STPG2: variants seen among roughly 807,000 people sequenced by gnomAD.
The protein encoded by STPG2 is sperm-tail PG-rich repeat-containing protein 2.
A neutral mutation model predicts 54.2 loss-of-function variants in STPG2; 56 were observed. That is an observed-to-expected ratio of 1.03 (90% CI 0.83 to 1.29). The LOEUF (loss-of-function observed/expected upper bound fraction) is 1.29. Ranked by LOEUF, STPG2 falls within the 50% of genes most tolerant of loss-of-function variation. The pLI, the probability that STPG2 is intolerant of heterozygous loss-of-function variation, is 0.00. For missense variants in STPG2, 596 were observed against 544.9 expected (o/e 1.09, Z -0.93); for synonymous variants, 200 against 181.8 (o/e 1.10, Z -0.81).
chr4:98,011,193 G>C (rs1442486670), intron 5 of STPG2, among the ~76,000 whole-genome samples: 3 of 152,150 alleles, frequency 2.0e-5, no homozygotes, highest in Non-Finnish European at 4.4e-5. Flanking sequence ...TCCTGTTTAT[G>C]AGTGAGAACA....
At chr4:97,559,284 TC>T (rs770292737) in intron 10 of STPG2, among the ~76,000 whole-genome samples, 167 bp from the exon 11 acceptor site, 1 of 152,244 alleles carries the variant, frequency 6.6e-6, no homozygotes, top group East Asian at 1.9e-4. Context: ...TTTTATTACT[TC>T]GTTCAAAAAT....
At chr4:97,998,180 A>G (rs946407218) in intron 5 of STPG2, among the ~76,000 whole-genome samples, 1 of 152,190 alleles carries the variant, frequency 6.6e-6, no homozygotes, top group Admixed American at 6.5e-5. Flanking sequence ...CCATTAGAAG[A>G]TGGAATCCAT....
Position 97,457,813 on chromosome 4 carries a change from A to G in STPG2, c.462+254886T>C, listed in dbSNP as rs142240443. Among the ~76,000 whole-genome samples the G allele has an allele frequency of 1.2e-4, 19 of 152,356 alleles. No individual in the cohort carries two copies. The East Asian group carries it at 3.3e-3, about 26-fold the overall frequency. On this transcript the variant is annotated intron_variant, in intron 4 of 4. Coordinates refer to the STPG2 transcript ENST00000522676. ...TCTGGAACTTAAGCATGAAATTTTA[A>G]ACTGCAGAGCATTTGAGGAATGGGG...
chr4:97,758,391 G>A (rs1246576771), intron 9 of STPG2, among the ~76,000 whole-genome samples: 1 of 151,934 alleles, frequency 6.6e-6, no homozygotes, highest in African/African-American at 2.4e-5. Flanking sequence ...ATCAATGATA[G>A]GCTGGATAAG....
chr4:97,890,081 C>A (rs142724697), intron 8 of STPG2, among the ~76,000 whole-genome samples: 1 of 152,060 alleles, frequency 6.6e-6, no homozygotes, highest in Admixed American at 6.6e-5. Flanking sequence ...AAAGAGTAAT[C>A]TTTTTCTAGC....
At chr4:97,995,101 G>A (rs574704750) in intron 5 of STPG2, among the ~76,000 whole-genome samples, 1 of 152,110 alleles carries the variant, frequency 6.6e-6, no homozygotes, top group East Asian at 1.9e-4. Context: ...AGCATCCACA[G>A]GTCTCACCCT....
At chr4:97,773,293 A>T in intron 9 of STPG2, among the ~76,000 whole-genome samples, 1 of 152,200 alleles carries the variant, frequency 6.6e-6, no homozygotes, top group East Asian at 1.9e-4. Flanking sequence ...TCTAATATGT[A>T]CATTGAAATT....
At chr4:97,827,095 C>T (rs1728281437) in intron 9 of STPG2, among the ~76,000 whole-genome samples, 1 of 152,146 alleles carries the variant, frequency 6.6e-6, no homozygotes, top group Non-Finnish European at 1.5e-5. Flanking sequence ...CTGAAATGTT[C>T]CTGAACATCA....
chr4:97,675,673 TTGTG>T (rs138150741), intron 10 of STPG2, among the ~76,000 whole-genome samples: 2 of 148,796 alleles, frequency 1.3e-5, no homozygotes, highest in African/African-American at 2.5e-5. Flanking sequence ...GTGGGTGCAT[TTGTG>T]TGTGTGTGTG....
At chr4:97,532,471 GAT>G (rs1377079499) in intron 4 of STPG2, among the ~76,000 whole-genome samples, 1 of 151,880 alleles carries the variant, frequency 6.6e-6, no homozygotes, top group Non-Finnish European at 1.5e-5. Context: ...TCTACTTGAC[GAT>G]ATAAAGTGGC....
chr4:97,754,859 T>C (rs1298549071), intron 9 of STPG2, among the ~76,000 whole-genome samples: 1 of 152,074 alleles, frequency 6.6e-6, no homozygotes, highest in Non-Finnish European at 1.5e-5. Flanking sequence ...TAAGGGATTA[T>C]GCAAGGCCTT....
intron 10 of STPG2, among the ~76,000 whole-genome samples, chr4:97,709,527 T>G (rs113148890): frequency 4.0e-5 from 6 of 151,644 alleles, no homozygotes; most frequent in African/African-American, 1.4e-4. Flanking sequence ...TCAATTAATT[T>G]CAGCAGAATT....
intron 10 of STPG2, among the ~76,000 whole-genome samples, chr4:97,689,652 G>C (rs1025515307): frequency 6.6e-6 from 1 of 152,018 alleles, no homozygotes; most frequent in Non-Finnish European, 1.5e-5. Flanking sequence ...TAGAGAGAAT[G>C]AATGATATCA....
chr4:97,598,127 C>T (rs367685650), intron 10 of STPG2, among the ~76,000 whole-genome samples: 2 of 151,978 alleles, frequency 1.3e-5, no homozygotes, highest in African/African-American at 4.8e-5. Context: ...ATAATGCAAT[C>T]CCATTCACAA....
At chr4:97,799,979 G>T (rs1727329831) in intron 9 of STPG2, among the ~76,000 whole-genome samples, 1 of 152,090 alleles carries the variant, frequency 6.6e-6, no homozygotes, top group Non-Finnish European at 1.5e-5. Context: ...CAAATCGGCT[G>T]CTGAAGCTTG....
intron 10 of STPG2, among the ~76,000 whole-genome samples, chr4:97,581,219 C>T (rs960379306): frequency 1.3e-5 from 2 of 151,912 alleles, no homozygotes; most frequent in African/African-American, 4.8e-5. Context: ...GAAATATTTC[C>T]ATTCTCTCAG....
intron 4 of STPG2, among the ~76,000 whole-genome samples, chr4:97,471,728 T>G (rs1203969677): frequency 6.6e-6 from 1 of 152,136 alleles, no homozygotes; most frequent in Non-Finnish European, 1.5e-5. Flanking sequence ...GTTTTAATGT[T>G]GGGAAAAATA....
chr4:97,568,131 A>G (rs1732502499), intron 10 of STPG2, among the ~76,000 whole-genome samples: 1 of 152,360 alleles, frequency 6.6e-6, no homozygotes, highest in South Asian at 2.1e-4. Context: ...AAACAAAAAC[A>G]TAAACAAAAC....
intron 5 of STPG2, among the ~76,000 whole-genome samples, chr4:97,991,331 C>T (rs1734998133): frequency 6.7e-6 from 1 of 149,914 alleles, no homozygotes; most frequent in African/African-American, 2.5e-5. Flanking sequence ...CACACATACA[C>T]ATATATATAT....
Sources: gnomAD v4.1 joint callset for allele counts (sites outside exome capture counted in the v4.1 genomes callset) on GRCh38, gnomAD v4.1.1 for gene constraint, MANE v1.5 for transcripts, NCBI Gene and HGNC (gene_info 2026-07-23, HGNC 2026-07-21) for gene names.